Variants in CLEC12A observed in about 807,000 individuals in gnomAD.
CLEC12A encodes the protein C-type lectin domain family 12 member A, also known as C-type lectin protein CLL-1.
CLEC12A carries 22 observed loss-of-function variants against 26.5 expected under a neutral mutation model. The ratio of observed to expected loss-of-function variants is 0.83; its 90% CI spans 0.59 to 1.19. The LOEUF is 1.19. Among genes scored for constraint, CLEC12A ranks in the 50% most tolerant of loss-of-function variants. The pLI is 0.00. For missense variants in CLEC12A, 353 were observed against 315.6 expected, an observed-to-expected ratio of 1.12 and a Z score of -0.90; for synonymous variants, 119 against 101.9, an observed-to-expected ratio of 1.17 and a Z score of -1.01.
downstream of CLEC12A, chr12:9,998,360 A>G (rs1352551681): frequency 6.2e-7 from 1 of 1,613,696 alleles, no homozygotes; most frequent in East Asian, 2.2e-5. Context: ...ACACGCCACC[A>G]GGAGGAGGAT....
chr12:10,005,183 G>C, the CLEC12A span, among the ~76,000 whole-genome samples: 4 of 152,004 alleles, frequency 2.6e-5, no homozygotes, highest in African/African-American at 9.7e-5. Flanking sequence ...CTATTTTCTG[G>C]GGACCAATGG....
chr12:9,994,203 G>A (rs1257558921), intron 4 of CLEC12A, among the ~76,000 whole-genome samples: 2 of 152,012 alleles, frequency 1.3e-5, no homozygotes, highest in African/African-American at 4.8e-5. Context: ...CATTCTAGAA[G>A]AAAATAGCAA....
downstream of CLEC12A, chr12:9,997,029 A>G (rs752943100): frequency 9.2e-5 from 148 of 1,611,974 alleles, no homozygotes; most frequent in Non-Finnish European, 1.2e-4. Context: ...GGAATGGTGT[A>G]TTTTTTCTAA....
chr12:9,999,555 G>A (rs1402111457), downstream of CLEC12A, among the ~76,000 whole-genome samples: 2 of 152,192 alleles, frequency 1.3e-5, no homozygotes, highest in Non-Finnish European at 2.9e-5. Flanking sequence ...ATTGTGAGAA[G>A]CAAGTGTAAT....
chr12:10,002,019 A>C, the CLEC12A span, among the ~76,000 whole-genome samples: 2 of 151,518 alleles, frequency 1.3e-5, no homozygotes, highest in South Asian at 4.2e-4. Flanking sequence ...AGCTGGGAGT[A>C]CAGGCGCCCA....
chr12:9,956,094 C>G (rs922656534), intron 1 of CLEC12A, among the ~76,000 whole-genome samples: 6 of 152,174 alleles, frequency 3.9e-5, no homozygotes, highest in Non-Finnish European at 8.8e-5. Context: ...AGATATAGAT[C>G]TGAGAAGTAT....
downstream of CLEC12A, among the ~76,000 whole-genome samples, chr12:9,996,291 T>C (rs768092181): frequency 1.5e-4 from 23 of 152,204 alleles, no homozygotes; most frequent in Non-Finnish European, 3.1e-4. Context: ...AATCCAACTA[T>C]ACAATTTCTT....
the CLEC12A span, among the ~76,000 whole-genome samples, chr12:10,003,532 G>A: frequency 1.3e-5 from 2 of 152,326 alleles, no homozygotes; most frequent in South Asian, 2.1e-4. Flanking sequence ...TATTGACTAA[G>A]AGGAGAAAGG....
chr12:9,965,497 G>T lies in CLEC12A; in HGVS notation c.11-6080G>T, dbSNP rs572962257. Among the ~76,000 whole-genome samples the T allele has an allele frequency of 1.7e-4, 25 of 151,120 alleles. No individual in the cohort carries two copies. The East Asian group carries it at 4.7e-3, about 28-fold the overall frequency. ...CTGATGGGTGTCAGGGTCAGTCCAA[G>T]TGAAAGTGAAGAGAGGCTGGGATGA... On this transcript the variant is annotated intron_variant, in intron 1 of 6. Transcript: ENST00000355690.
intron 4 of CLEC12A, 116 bp downstream of exon 4, chr12:9,980,849 G>C: frequency 9.5e-7 from 1 of 1,053,898 alleles, no homozygotes; most frequent in Non-Finnish European, 1.4e-6. Flanking sequence ...TGAAGTGACT[G>C]AAACTTTGTA....
In CLEC12A at chr12:9,985,107, A is replaced by G. The variant is rs1158968773; in HGVS notation, c.*81A>G. On this transcript the variant is annotated 3_prime_UTR_variant, in exon 6 of 6. Transcript: ENST00000304361. The stretch of plus-strand genomic sequence containing the variant: ...TAAATTTAAATATTTTCTGGTTGAC[A>G]ATTAGTTGAGTTTGTCTGAAGACCT... The G allele has an allele frequency of 7.6e-7, 1 of 1,308,006 alleles. No homozygotes were observed. The highest frequency in any genetic ancestry group is 1.5e-5 in the African/African-American group (1 of 65,662). 81.0% of individuals were successfully genotyped at this position (1,308,006 alleles called of 1,614,324 possible). A position where few individuals can be genotyped will look rare whatever the true frequency, so the allele number is the denominator to read the frequency against.
At chr12:9,982,880 A>T (rs1243834485) in intron 5 of CLEC12A, among the ~76,000 whole-genome samples, 2 of 152,128 alleles carry the variant, frequency 1.3e-5, no homozygotes, top group Non-Finnish European at 2.9e-5. Context: ...TTAAGTGAGA[A>T]TATGCAGTAT....
At chr12:9,953,623 C>A (rs1315203153) in intron 1 of CLEC12A, among the ~76,000 whole-genome samples, 1 of 150,530 alleles carries the variant, frequency 6.6e-6, no homozygotes, top group Non-Finnish European at 1.5e-5. Flanking sequence ...CCGCCCCGTC[C>A]GGGAGGTGAG....
chr12:10,003,112 C>G, the CLEC12A span, among the ~76,000 whole-genome samples: 2 of 152,182 alleles, frequency 1.3e-5, no homozygotes, highest in African/African-American at 4.8e-5. Context: ...TATTCTGAGA[C>G]TTTTTAACAT....
At chr12:9,992,880 G>A (rs1799554433) in intron 4 of CLEC12A, 1 of 359,806 alleles carries the variant, frequency 2.8e-6, no homozygotes, top group Non-Finnish European at 5.1e-6. Context: ...ATCATACCAT[G>A]TTCAGGTAAT....
downstream of CLEC12A, among the ~76,000 whole-genome samples, chr12:9,998,573 T>C (rs7980698): frequency 0.22 from 16,780 of 77,294 alleles, 4,467 homozygotes; most frequent in Middle Eastern, 0.28. Flanking sequence ...ATACATCCAT[T>C]CTCATCTCCA....
chr12:9,985,225 TC>T lies in CLEC12A; in HGVS notation c.*202del. The T allele has an allele frequency of 2.1e-6, 1 of 477,720 alleles. No individual in the cohort carries two copies. Among genetic ancestry groups the T allele is most frequent in the Non-Finnish European group, 3.4e-6 (1 of 297,282 alleles). The allele number at this position is 477,720 out of a possible 1,614,324, so 29.6% of individuals were successfully genotyped here. A position where few individuals can be genotyped will look rare whatever the true frequency, so the allele number is the denominator to read the frequency against. ...TGCCAGAGAGGTATAATGAAGCATG[TC>T]CCACCTCCCACTTTCCATCATGGCC... On this transcript the variant is annotated 3_prime_UTR_variant, in exon 6 of 6. Transcript: ENST00000304361.
chr12:9,985,821 A>T (rs1864751462), downstream of CLEC12A: 1 of 198,824 alleles, frequency 5.0e-6, no homozygotes, highest in Admixed American at 5.9e-5. Flanking sequence ...CTGTAATTCT[A>T]TAATAAGCAA....
chr12:9,983,911 A>G (rs577576428), intron 5 of CLEC12A: 1 of 213,990 alleles, frequency 4.7e-6, no homozygotes, highest in African/African-American at 2.3e-5. Flanking sequence ...TTGTAGTGAA[A>G]GACTAGAGAC....
Sources: gnomAD v4.1 joint callset for allele counts (sites outside exome capture counted in the v4.1 genomes callset) on GRCh38, gnomAD v4.1.1 for gene constraint, MANE v1.5 for transcripts, NCBI Gene and HGNC (gene_info 2026-07-23, HGNC 2026-07-21) for gene names.